HIPK3: variants seen among roughly 807,000 people sequenced by gnomAD.
HIPK3 encodes homeodomain-interacting protein kinase 3.
A neutral mutation model predicts 124.2 loss-of-function variants in HIPK3; 47 were observed. That is an observed-to-expected ratio of 0.38 (90% CI 0.30 to 0.48). HIPK3 has a LOEUF of 0.48. Ranked by LOEUF, HIPK3 falls within the 20% of genes least tolerant of loss-of-function variation. The pLI, the probability that HIPK3 is intolerant of heterozygous loss-of-function variation, is 0.98. For missense variants in HIPK3, 1,286 were observed against 1,454.3 expected (o/e 0.88, Z 1.88); for synonymous variants, 482 against 515.2 (o/e 0.94, Z 0.87).
At chr11:33,337,855 G>A (rs1853203790) in intron 4 of HIPK3, among the ~76,000 whole-genome samples, 1 of 151,590 alleles carries the variant, frequency 6.6e-6, no homozygotes, top group Admixed American at 6.6e-5. Flanking sequence ...TGTATTTTTA[G>A]TAGAGACAGG....
chr11:33,340,718 T>C (rs957816782), intron 6 of HIPK3, among the ~76,000 whole-genome samples: 2 of 152,120 alleles, frequency 1.3e-5, no homozygotes, highest in Middle Eastern at 3.4e-3. Context: ...TATTGCATGC[T>C]AACCAAAAAA....
chr11:33,261,133 T>A (rs1317373646), intron 1 of HIPK3, among the ~76,000 whole-genome samples: 2 of 70,200 alleles, frequency 2.8e-5, no homozygotes, highest in Non-Finnish European at 6.9e-5. Context: ...ATATTATATA[T>A]AAAATATAAA....
chr11:33,325,603 G>A (rs1259273619), intron 2 of HIPK3, among the ~76,000 whole-genome samples: 1 of 152,004 alleles, frequency 6.6e-6, no homozygotes. Flanking sequence ...CTAGACTTCT[G>A]TATTTGAAGG....
chr11:33,258,612 G>C (rs934597414), intron 1 of HIPK3: 2 of 985,278 alleles, frequency 2.0e-6, no homozygotes, highest in East Asian at 1.1e-4. Flanking sequence ...TCCCTTCGCC[G>C]CACTGGGAGA....
chr11:33,287,741 A>G (rs906974550), intron 2 of HIPK3, among the ~76,000 whole-genome samples: 1 of 152,162 alleles, frequency 6.6e-6, no homozygotes, highest in African/African-American at 2.4e-5. Context: ...ACATCTGGTT[A>G]TTTTTATTTT....
chr11:33,330,518 G>A (rs1461103966), intron 3 of HIPK3, among the ~76,000 whole-genome samples: 4 of 152,086 alleles, frequency 2.6e-5, no homozygotes, highest in African/African-American at 9.7e-5. Flanking sequence ...TAGTAGAGAT[G>A]GGGTTTCACC....
chr11:33,340,398 C>A (rs1260059032), intron 6 of HIPK3, among the ~76,000 whole-genome samples: 1 of 152,158 alleles, frequency 6.6e-6, no homozygotes, highest in Non-Finnish European at 1.5e-5. Context: ...TTCTTTGAAC[C>A]TCAGACATAT....
Position 33,328,740 on chromosome 11 carries a change from A to G in HIPK3, c.1221+107A>G, listed in dbSNP as rs2133968677. ...TACAATACACTGGAAAGTCTTTTTA[A>G]CATAAAGTGGCAGAATCTGGGATCT... On this transcript the variant is annotated intron_variant, in intron 3 of 16. Transcript: ENST00000303296. 1.3e-5 allele frequency: 12 copies of G among 949,258 alleles called. 2 individuals carry two copies. The South Asian group carries it at 2.5e-4, about 20-fold the overall frequency. 58.8% of individuals were successfully genotyped at this position (949,258 alleles called of 1,614,324 possible).
intron 3 of HIPK3, among the ~76,000 whole-genome samples, chr11:33,328,964 C>T (rs775356321): frequency 6.6e-6 from 1 of 152,032 alleles, no homozygotes; most frequent in Non-Finnish European, 1.5e-5. Flanking sequence ...AAACGTCAGC[C>T]CCTCCCAAGG....
intron 1 of HIPK3, among the ~76,000 whole-genome samples, chr11:33,263,281 G>C (rs1300735393): frequency 6.6e-6 from 1 of 152,098 alleles, no homozygotes; most frequent in Non-Finnish European, 1.5e-5. Context: ...AGAAGAGCTT[G>C]GTTTAATTGG....
In HIPK3 at chr11:33,257,715, C is replaced by T. The variant is rs1317843501; in HGVS notation, c.-177C>T. On this transcript the variant is annotated 5_prime_UTR_variant, in exon 1 of 17. Coordinates refer to ENST00000303296, the MANE Select transcript of HIPK3 (RefSeq NM_005734.5). ...TCGGGGGAGGGTGTTTCGCCGTTTC[C>T]TCTCAGCCGCCAGGACAAGATGGCA... 114 of 990,046 alleles carry T rather than the reference C, an allele frequency of 1.2e-4. No individual in the cohort carries two copies. The highest frequency in any genetic ancestry group is 1.3e-4 in the Non-Finnish European group (111 of 833,124). 61.3% of individuals were successfully genotyped at this position (990,046 alleles called of 1,614,324 possible).
At chr11:33,317,690 G>A (rs1028135341) in intron 2 of HIPK3, among the ~76,000 whole-genome samples, 1 of 152,172 alleles carries the variant, frequency 6.6e-6, no homozygotes, top group Admixed American at 6.5e-5. Context: ...ACTTAGGTGT[G>A]TATCCTTCTA....
rs562810012 is a variant in HIPK3 at position 33,306,455 on chromosome 11, C to T, written c.1097+18944C>T. Among the ~76,000 whole-genome samples the T allele has an allele frequency of 1.7e-4, 24 of 142,624 alleles. No homozygotes were observed. The South Asian group carries it at 5.5e-3, about 33-fold the overall frequency. 93.6% of individuals were successfully genotyped at this position (142,624 alleles called of 152,430 possible). On this transcript the variant is annotated intron_variant, in intron 2 of 16. Transcript: ENST00000303296. Reference sequence around the variant, plus strand: ...TTAAATTTATTAAAGATTTTACTTGCTCTAAATTGCTTTTTTTTAAAAAAA... The same window carrying T: ...TTAAATTTATTAAAGATTTTACTTGTTCTAAATTGCTTTTTTTTAAAAAAA...
At chr11:33,261,097 T>C (rs1291324111) in intron 1 of HIPK3, among the ~76,000 whole-genome samples, 1 of 145,806 alleles carries the variant, frequency 6.9e-6, no homozygotes, top group Admixed American at 7.1e-5. Flanking sequence ...AAAGGGATTA[T>C]ATGTATATAT....
chr11:33,353,028 CT>C, intron 16 of HIPK3, 63 bp from the exon 17 acceptor site: 1 of 995,578 alleles, frequency 1.0e-6, no homozygotes, highest in South Asian at 1.6e-5. Flanking sequence ...ATTTCCCTTT[CT>C]TTCTTTCCTT....
chr11:33,270,672 G>GAT (rs1851101306), intron 1 of HIPK3, among the ~76,000 whole-genome samples: 1 of 152,110 alleles, frequency 6.6e-6, no homozygotes, highest in Non-Finnish European at 1.5e-5. Flanking sequence ...TAGTTGATTA[G>GAT]AGTCTGGGTG....
intron 3 of HIPK3, among the ~76,000 whole-genome samples, chr11:33,336,865 G>A (rs139627055): frequency 6.6e-6 from 1 of 152,092 alleles, no homozygotes; most frequent in African/African-American, 2.4e-5. Context: ...ATTACTTTAG[G>A]TATGCCTTTT....
intron 2 of HIPK3, among the ~76,000 whole-genome samples, chr11:33,313,959 C>T (rs1016299939): frequency 3.9e-5 from 6 of 152,042 alleles, no homozygotes; most frequent in South Asian, 2.1e-4. Flanking sequence ...CCTCCTGCCT[C>T]GGCTTCCCAA....
intron 8 of HIPK3, 143 bp downstream of exon 8, chr11:33,341,829 G>C: frequency 5.6e-6 from 4 of 710,576 alleles, no homozygotes; most frequent in Non-Finnish European, 8.7e-6. Context: ...GCCAAGTGTG[G>C]TGTTTCACGC....
Sources: gnomAD v4.1 joint callset for allele counts (sites outside exome capture counted in the v4.1 genomes callset) on GRCh38, gnomAD v4.1.1 for gene constraint, MANE v1.5 for transcripts, NCBI Gene and HGNC (gene_info 2026-07-23, HGNC 2026-07-21) for gene names.